The following ZMYND10 variants were observed in gnomAD, a reference collection of about 807,000 sequenced individuals.
ZMYND10 encodes the protein zinc finger MYND domain-containing protein 10.
Under a neutral mutation model 62.6 loss-of-function variants are expected in ZMYND10, and 52 were observed. That is an observed-to-expected ratio of 0.83 (90% CI 0.67 to 1.05). The LOEUF is 1.05. ZMYND10 is among the 50% of genes least tolerant of loss of function. The pLI, the probability that ZMYND10 is intolerant of heterozygous loss-of-function variation, is 0.00. For synonymous variants in ZMYND10, 197 were observed against 218.5 expected (o/e 0.90, Z 0.87); for missense variants, 438 against 543.3 (o/e 0.81, Z 1.93).
rs1415036829 is a variant in ZMYND10 at position 50,345,137 on chromosome 3, ACCAGC to A, written c.183_187del (p.Leu62HisfsTer65). On this transcript the variant is annotated frameshift_variant, in exon 2 of 12. Coordinates refer to ENST00000231749, the MANE Select transcript of ZMYND10 (RefSeq NM_015896.4). LOFTEE classifies it high-confidence loss of function. This position sits in a 1 kb window ranked among gnomAD's most constrained non-coding sequence, Gnocchi z 5.0. ...ACCTCGGGGTACCTTCCCATGGGTG[ACCAGC>A]AGCTCCTGAATGGGCTCGCCCTGGC... 3 of 1,613,776 alleles carry A rather than the reference ACCAGC, an allele frequency of 1.9e-6. No homozygotes were observed. The highest frequency in any genetic ancestry group is 2.5e-6 in the Non-Finnish European group (3 of 1,179,882).
In ZMYND10 at chr3:50,345,205, C is replaced by T. The variant is rs779433836; in HGVS notation, c.120G>A (p.Glu40=). The T allele has an allele frequency of 3.5e-5, 57 of 1,613,864 alleles. No homozygotes were observed. The highest frequency in any genetic ancestry group is 4.7e-5 in the Non-Finnish European group (56 of 1,179,986). Reference sequence around the variant, plus strand: ...CGAGGATGGCTTGCATGTTCAGCTTCTCCAGGTTCTCATGCTGCTGGTTCC... The same window carrying T: ...CGAGGATGGCTTGCATGTTCAGCTTTTCCAGGTTCTCATGCTGCTGGTTCC... ...EGWNQQHENL[E]KLNMQAILDA... is the part of the protein sequence containing the mutation. Residue 40 remains glutamate, a synonymous_variant, in exon 2 of 12, where the codon GAG becomes GAA. Transcript: ENST00000231749. This position sits in a 1 kb window ranked among gnomAD's most constrained non-coding sequence, Gnocchi z 5.0.
chr3:50,345,189 C>T lies in ZMYND10; in HGVS notation c.136G>A (p.Ala46Thr), dbSNP rs754401095. Residue 46 changes from alanine (A) to threonine (T), a missense_variant, in exon 2 of 12, where the codon GCC becomes ACC. Ala to Thr is a moderately conservative substitution (Grantham distance 58). Coordinates refer to ENST00000231749, the MANE Select transcript of ZMYND10 (RefSeq NM_015896.4). This position sits in a 1 kb window ranked among gnomAD's most constrained non-coding sequence, Gnocchi z 5.0. ...TGGCTGACTGTGGCATCGAGGATGG[C>T]TTGCATGTTCAGCTTCTCCAGGTTC... The part of the protein sequence containing the change: ...HENLEKLNMQ[A>T]ILDATVSQGE... 4.3e-6 allele frequency: 7 copies of T among 1,614,078 alleles called. No individual in the cohort carries two copies. The South Asian group carries it at 7.7e-5, about 18-fold the overall frequency.
chr3:50,341,433 C>T lies in ZMYND10; in HGVS notation c.1300G>A (p.Ala434Thr), dbSNP rs1402357495. The T allele has an allele frequency of 6.2e-7, 1 of 1,614,104 alleles. No homozygotes were observed. Among genetic ancestry groups the T allele is most frequent in the Non-Finnish European group, 8.5e-7 (1 of 1,180,046 alleles). ...CCTCATTTGGCTCTGTCACCCTGGG[C>T]TGCCAGGACACAAGTCTTTCCATGC... ...EKHGKTCVLA[A>T]QGDRAK Residue 434 changes from alanine (A) to threonine (T), a missense_variant, in exon 12 of 12, where the codon GCC becomes ACC. By Grantham distance (58) the Ala-to-Thr change is moderately conservative. Transcript: ENST00000231749.
Position 50,345,456 on chromosome 3 carries a change from C to T in ZMYND10, c.92+32G>A. The T allele has an allele frequency of 1.3e-6, 2 of 1,563,132 alleles. No individual in the cohort carries two copies. The highest frequency in any genetic ancestry group is 1.9e-5 in the Admixed American group (1 of 53,152). The stretch of plus-strand genomic sequence containing the variant: ...CAGCTCCCCGACTCAAGGACAATGA[C>T]TCCGGGACTCCGCCTGACCCGGGTG... On this transcript the variant is annotated intron_variant, in intron 1 of 11. Transcript: ENST00000231749. The surrounding 1 kb of genome is among the most constrained non-coding windows in gnomAD (Gnocchi z 5.0).
In ZMYND10 at chr3:50,345,292, G is replaced by A; in HGVS notation, c.93-60C>T. The A allele has an allele frequency of 6.4e-7, 1 of 1,568,964 alleles. No individual in the cohort carries two copies. The highest frequency in any genetic ancestry group is 8.7e-7 in the Non-Finnish European group (1 of 1,150,252). ...GTGTGCATTAGGAGTGGGGATGGGG[G>A]CTGGATCCTACTGAAGCCTAACCTG... On this transcript the variant is annotated intron_variant, in intron 1 of 11. Transcript: ENST00000231749. This position sits in a 1 kb window ranked among gnomAD's most constrained non-coding sequence, Gnocchi z 5.0.
chr3:50,341,142 G>A lies in ZMYND10; in HGVS notation c.*268C>T, dbSNP rs1377856354. ...GGAGGCCAGCTTTACTGTGCTAGAG[G>A]AAGAGGGTCCCCACATCCGGCCCTG... On this transcript the variant is annotated 3_prime_UTR_variant, in exon 12 of 12. Transcript: ENST00000231749. 3 of 609,338 alleles carry A rather than the reference G, an allele frequency of 4.9e-6. No homozygotes were observed. In the African/African-American group the frequency reaches 5.5e-5, roughly 11 times the overall value. 37.7% of individuals were successfully genotyped at this position (609,338 alleles called of 1,614,324 possible). A position where few individuals can be genotyped will look rare whatever the true frequency, so the allele number is the denominator to read the frequency against.
Position 50,343,301 on chromosome 3 carries a change from A to G in ZMYND10, c.510+6T>C. ...GCTTTCACAACCCTAGGTAACCTCA[A>G]CCCACCTGCATGGGGTTGCTGTCCT... On this transcript the variant is annotated splice_donor_region_variant and intron_variant, in intron 5 of 11. Coordinates refer to ENST00000231749, the MANE Select transcript of ZMYND10 (RefSeq NM_015896.4). 6.2e-7 allele frequency: 1 copy of G among 1,612,026 alleles called. No individual in the cohort carries two copies. The highest frequency in any genetic ancestry group is 8.5e-7 in the Non-Finnish European group (1 of 1,178,942).
intron 3 of ZMYND10, 35 bp downstream of exon 3, chr3:50,343,699 A>C (rs1703456959): frequency 2.5e-6 from 4 of 1,613,666 alleles, no homozygotes; most frequent in Admixed American, 1.7e-5. Context: ...CCTCTGAAGG[A>C]GTGAGAAGAG....
At chr3:50,343,675 C>T (rs1703455627) in intron 3 of ZMYND10, 59 bp from the exon 4 acceptor site, 6 of 1,613,674 alleles carry the variant, frequency 3.7e-6, no homozygotes, top group Non-Finnish European at 1.7e-6. Flanking sequence ...CAGCTCTCCT[C>T]CCCGGTCCAG....
At chr3:50,343,518 G>C (rs1471403672) in intron 4 of ZMYND10, 45 bp downstream of exon 4, 1 of 1,614,146 alleles carries the variant, frequency 6.2e-7, no homozygotes, top group Non-Finnish European at 8.5e-7. Context: ...TTCCTGCCAG[G>C]CCCTGACCCG....
intron 2 of ZMYND10, 56 bp from the exon 3 acceptor site, chr3:50,343,906 C>T: frequency 6.6e-7 from 1 of 1,506,014 alleles, no homozygotes; most frequent in Non-Finnish European, 9.2e-7. Flanking sequence ...TGCCTGGCAA[C>T]CCTCCCATCC....
At position 50,341,541 on chromosome 3, in the gene ZMYND10, G is replaced by T. The variant is rs774249116; in HGVS notation, c.1247+33C>A. ...TGCATGTGGGGGATGTGGGAGTAGGGCTTAGAGGTCCAAGGTTCTAGGATA... is the reference window on the plus strand; with the variant it reads ...TGCATGTGGGGGATGTGGGAGTAGGTCTTAGAGGTCCAAGGTTCTAGGATA... On this transcript the variant is annotated intron_variant, in intron 11 of 11. Transcript: ENST00000231749. 4 of 1,614,234 alleles carry T rather than the reference G, an allele frequency of 2.5e-6. No individual in the cohort carries two copies. In the South Asian group the frequency reaches 3.3e-5, roughly 13 times the overall value.
chr3:50,343,315 G>T lies in ZMYND10; in HGVS notation c.502C>A (p.Pro168Thr). 6.2e-7 allele frequency: 1 copy of T among 1,612,062 alleles called. No individual in the cohort carries two copies. Among genetic ancestry groups the T allele is most frequent in the Non-Finnish European group, 8.5e-7 (1 of 1,178,934 alleles). Residue 168 changes from proline (P) to threonine (T), a missense_variant, in exon 5 of 12, where the codon CCC becomes ACC. By Grantham distance (38) the Pro-to-Thr change is conservative. Transcript: ENST00000231749. ...AGGTAACCTCAACCCACCTGCATGG[G>T]GTTGCTGTCCTGGGATCCCTCCCCC... ...PEGEGSQDSN[P>T]MQELQKQAEL...
intron 8 of ZMYND10, 115 bp downstream of exon 8, chr3:50,342,282 G>A: frequency 6.4e-7 from 1 of 1,571,174 alleles, no homozygotes; most frequent in Non-Finnish European, 8.6e-7. Flanking sequence ...CCCAAGGACT[G>A]AAAAGAGCAC....
intron 2 of ZMYND10, 67 bp from the exon 3 acceptor site, chr3:50,343,917 C>G: frequency 3.5e-6 from 5 of 1,442,398 alleles, no homozygotes; most frequent in Non-Finnish European, 4.8e-6. Context: ...CCTCCCATCC[C>G]CGGCTCAGCT....
At chr3:50,344,855 C>T (rs1202536794) in intron 2 of ZMYND10, 1 of 178,950 alleles carries the variant, frequency 5.6e-6, no homozygotes, top group Admixed American at 5.9e-5. Context: ...TTCACAGATG[C>T]CTTTAGCATT....
At chr3:50,342,775 G>A (rs766704156) in intron 7 of ZMYND10, 143 bp downstream of exon 7, 1 of 1,472,948 alleles carries the variant, frequency 6.8e-7, no homozygotes, top group Non-Finnish European at 9.1e-7. Flanking sequence ...CTCAGGTCTA[G>A]GCCAACCTTG....
chr3:50,343,445 C>T lies in ZMYND10; in HGVS notation c.373-1G>A, dbSNP rs1278767645. ...TGTCTTCTGCTGACTCACACACCTC[C>T]TGGGAAAAGGAGGAGGGAAACTTTC... On this transcript the variant is annotated splice_acceptor_variant, in intron 4 of 11. Coordinates refer to ENST00000231749, the MANE Select transcript of ZMYND10 (RefSeq NM_015896.4). LOFTEE classifies it high-confidence loss of function. The T allele has an allele frequency of 1.2e-6, 2 of 1,611,968 alleles. No individual in the cohort carries two copies. The highest frequency in any genetic ancestry group is 1.7e-6 in the Non-Finnish European group (2 of 1,178,332).
In ZMYND10 at chr3:50,342,902, TG is replaced by T; in HGVS notation, c.700+15del. The T allele has an allele frequency of 6.2e-7, 1 of 1,612,458 alleles. No individual in the cohort carries two copies. On this transcript the variant is annotated intron_variant, in intron 7 of 11. Transcript: ENST00000231749. Reference sequence around the variant, plus strand: ...AGCAGTAGCCTGGGGCTTAGGCTGGTGGGGGAGGACCCTACCTCCTTCCCGC... The same window carrying T: ...AGCAGTAGCCTGGGGCTTAGGCTGGTGGGGAGGACCCTACCTCCTTCCCGC...
Sources: gnomAD v4.1 joint callset for allele counts on GRCh38, gnomAD v4.1.1 for gene constraint, Gnocchi (gnomAD v3.1) non-coding constraint, MANE v1.5 for transcripts, NCBI Gene and HGNC (gene_info 2026-07-23, HGNC 2026-07-21) for gene names.